The following MYH9 variants were observed in gnomAD, a reference collection of about 807,000 sequenced individuals.
MYH9 encodes the protein myosin heavy chain 9.
In MYH9, 29 loss-of-function variants were observed where a neutral mutation model predicts 241.9. That is an observed-to-expected ratio of 0.12 (90% CI 0.09 to 0.16). The LOEUF (loss-of-function observed/expected upper bound fraction) is 0.16, where lower values mean the gene tolerates loss of function less well. MYH9 is among the 10% of genes least tolerant of loss of function. The probability of loss-of-function intolerance (pLI) is 1.00; values close to 1 mark genes in which losing one functional copy is unlikely to be tolerated. For missense variants in MYH9, 1,803 were observed against 2,595.5 expected, an observed-to-expected ratio of 0.69 and a Z score of 6.63; for synonymous variants, 1,047 against 1,062.6, an observed-to-expected ratio of 0.99 and a Z score of 0.29.
At chr22:36,358,088 C>A (rs936975945) in intron 1 of MYH9, among the ~76,000 whole-genome samples, 4 of 152,160 alleles carry the variant, frequency 2.6e-5, no homozygotes, top group African/African-American at 9.7e-5. Flanking sequence ...GCCAGCTCAC[C>A]CCACCCTGGG....
At position 36,285,921 on chromosome 22, in the gene MYH9, C is replaced by G; in HGVS notation, c.5094G>C (p.Gln1698His). The change falls in exon 36 of 41, where the codon CAG becomes CAC. Residue 1698 changes from glutamine to histidine, a missense_variant. By Grantham distance (24) the Gln-to-His change is conservative. Around this residue, in one of 11 missense-constraint regions of MYH9, gnomAD observed 876 missense variants for 1,077.8 expected, o/e 0.81. Coordinates refer to ENST00000216181, the MANE Select transcript of MYH9 (RefSeq NM_002473.6). The surrounding 1 kb of genome is among the most constrained non-coding windows in gnomAD (Gnocchi z 7.0). ...ELAAAERAKR[Q>H]AQQERDELAD... is the part of the protein sequence containing the mutation. Reference sequence around the variant, plus strand: ...CCAGCTCATCCCGCTCCTGCTGGGCCTGGCGCTTGGCACGCTCCGCGGCTG... The same window carrying G: ...CCAGCTCATCCCGCTCCTGCTGGGCGTGGCGCTTGGCACGCTCCGCGGCTG... 1 of 1,612,656 alleles carries G rather than the reference C, an allele frequency of 6.2e-7. No homozygotes were observed. Among genetic ancestry groups the G allele is most frequent in the Non-Finnish European group, 8.5e-7 (1 of 1,180,004 alleles).
intron 1 of MYH9, among the ~76,000 whole-genome samples, chr22:36,356,407 C>T (rs2017856294): frequency 6.6e-6 from 1 of 151,236 alleles, no homozygotes; most frequent in Non-Finnish European, 1.5e-5. Flanking sequence ...ACCGTGAAAC[C>T]CTGTCTCTAC....
intron 1 of MYH9, among the ~76,000 whole-genome samples, chr22:36,351,864 C>T (rs2017770131): frequency 6.6e-6 from 1 of 152,020 alleles, no homozygotes; most frequent in African/African-American, 2.4e-5. Flanking sequence ...ACATCGGTGC[C>T]CCTCACGAGA....
chr22:36,361,731 T>C (rs2017938628), intron 1 of MYH9, among the ~76,000 whole-genome samples: 1 of 152,154 alleles, frequency 6.6e-6, no homozygotes, highest in African/African-American at 2.4e-5. Flanking sequence ...GACTTTATTC[T>C]AGGGATAATT....
chr22:36,312,327 C>T (rs572147553), intron 13 of MYH9, 105 bp from the exon 14 acceptor site: 14 of 1,175,296 alleles, frequency 1.2e-5, no homozygotes, highest in African/African-American at 4.6e-5. Flanking sequence ...ATCCCACAGA[C>T]GGTGGGCGAC....
At chr22:36,350,139 T>C (rs1220212619) in intron 1 of MYH9, among the ~76,000 whole-genome samples, 1 of 152,226 alleles carries the variant, frequency 6.6e-6, no homozygotes, top group Non-Finnish European at 1.5e-5. Flanking sequence ...CTAAGAGTGC[T>C]TCCCTTTGGG....
At chr22:36,357,498 C>T (rs1270588402) in intron 1 of MYH9, among the ~76,000 whole-genome samples, 4 of 152,210 alleles carry the variant, frequency 2.6e-5, no homozygotes, top group Admixed American at 6.5e-5. Context: ...CACTAGATGC[C>T]AGTCGCACCC....
At chr22:36,372,835 G>GTA (rs1391186520) in intron 1 of MYH9, among the ~76,000 whole-genome samples, 1 of 152,134 alleles carries the variant, frequency 6.6e-6, no homozygotes, top group Non-Finnish European at 1.5e-5. Flanking sequence ...TGCTGTCTAG[G>GTA]AAGACAGCAG....
chr22:36,350,885 C>T (rs2017754139), intron 1 of MYH9, among the ~76,000 whole-genome samples: 1 of 152,170 alleles, frequency 6.6e-6, no homozygotes. Context: ...GCCCAGCTCC[C>T]GCTGGGAAAT....
chr22:36,286,631 T>A (rs2016585769), intron 35 of MYH9, 87 bp downstream of exon 35: 2 of 1,586,270 alleles, frequency 1.3e-6, no homozygotes, highest in Admixed American at 1.7e-5. Flanking sequence ...CCAGTAGGAC[T>A]CCAGCCCTGT....
chr22:36,343,195 T>C (rs1454777645), intron 2 of MYH9, among the ~76,000 whole-genome samples: 3 of 152,030 alleles, frequency 2.0e-5, no homozygotes, highest in Non-Finnish European at 4.4e-5. Context: ...AGCAATTGAC[T>C]AAAGGCAGAA....
In MYH9 at chr22:36,309,307, C is replaced by T. The variant is rs2017022420; in HGVS notation, c.1818G>A (p.Lys606=). The T allele has an allele frequency of 1.2e-6, 2 of 1,614,200 alleles. No homozygotes were observed. The highest frequency in any genetic ancestry group is 8.5e-7 in the Non-Finnish European group (1 of 1,180,020). The change falls in exon 15 of 41, where the codon AAG becomes AAA. Residue 606 remains lysine (K), a synonymous_variant. Transcript: ENST00000216181. ...IATLLHQSSD[K]FVSELWKDVD... The stretch of plus-strand genomic sequence containing the variant: ...CATCCTTCCACAGCTCCGAGACAAA[C>T]TTGTCAGAGGACTGGTGGAGCAGTG...
chr22:36,312,280 T>C, intron 13 of MYH9, 58 bp from the exon 14 acceptor site: 1 of 1,583,930 alleles, frequency 6.3e-7, no homozygotes, highest in Non-Finnish European at 8.6e-7. Flanking sequence ...CACCCCACCC[T>C]TCAAGAAGCC....
intron 2 of MYH9, among the ~76,000 whole-genome samples, chr22:36,344,732 G>A (rs111727179): frequency 2.0e-5 from 3 of 152,190 alleles, no homozygotes; most frequent in Non-Finnish European, 2.9e-5. Flanking sequence ...AAACCTCTGC[G>A]TGTGGCTTGC....
rs2017727818 is a variant in MYH9 at position 36,349,150 on chromosome 22, C to A, written c.87G>T (p.Lys29Asn). The stretch of plus-strand genomic sequence containing the variant: ...TGTCGGAAGGCACCCATACCAGCTT[C>A]TTGGCAGCCCAGTCGGCCTGGGCCA... ...NPLAQADWAA[K>N]KLVWVPSDKS... Residue 29 changes from lysine (K) to asparagine (N), a missense_variant, in exon 2 of 41, where the codon AAG (lysine) becomes AAT (asparagine). This residue lies in a region of MYH9 where 75 missense variants were observed against 79.1 expected (regional missense o/e 0.95). Coordinates refer to ENST00000216181, the MANE Select transcript of MYH9 (RefSeq NM_002473.6). 2.5e-6 allele frequency: 4 copies of A among 1,614,164 alleles called. No homozygotes were observed. The highest frequency in any genetic ancestry group is 3.4e-6 in the Non-Finnish European group (4 of 1,179,968).
intron 1 of MYH9, chr22:36,365,069 A>C (rs2017990882): frequency 6.6e-6 from 1 of 151,558 alleles, no homozygotes; most frequent in African/African-American, 2.4e-5. Context: ...TGACAAAATA[A>C]GCTCCCAGAG....
intron 24 of MYH9, among the ~76,000 whole-genome samples, 167 bp downstream of exon 24, chr22:36,298,752 G>A (rs2016827748): frequency 6.6e-6 from 1 of 152,136 alleles, no homozygotes; most frequent in South Asian, 2.1e-4. Flanking sequence ...GGCTCCCCTC[G>A]ACCTGGTGAC....
At chr22:36,356,431 CTT>C (rs2017856691) in intron 1 of MYH9, among the ~76,000 whole-genome samples, 2 of 150,860 alleles carry the variant, frequency 1.3e-5, no homozygotes, top group African/African-American at 4.9e-5. Context: ...AAATACAAAA[CTT>C]AGCCAGGCGT....
chr22:36,377,895 A>T (rs2018196085), intron 1 of MYH9, among the ~76,000 whole-genome samples: 1 of 152,124 alleles, frequency 6.6e-6, no homozygotes, highest in African/African-American at 2.4e-5. Flanking sequence ...TGGACGACAG[A>T]GCAAGACTCC....
Sources: gnomAD v4.1 joint callset for allele counts (sites outside exome capture counted in the v4.1 genomes callset) on GRCh38, gnomAD v4.1.1 for gene constraint, gnomAD v4.1.1 regional missense constraint, Gnocchi (gnomAD v3.1) non-coding constraint, MANE v1.5 for transcripts, NCBI Gene and HGNC (gene_info 2026-07-23, HGNC 2026-07-21) for gene names.